Variants in TMEM232 observed in about 807,000 individuals in gnomAD.
TMEM232 encodes the protein transmembrane protein 232.
TMEM232 carries 80 observed loss-of-function variants against 78.8 expected under a neutral mutation model. That is an observed-to-expected ratio of 1.01 (90% confidence interval 0.85 to 1.22). The LOEUF (loss-of-function observed/expected upper bound fraction) is 1.22. Ranked by LOEUF, TMEM232 falls within the 50% of genes most tolerant of loss-of-function variation. The probability of loss-of-function intolerance (pLI) is 0.00; values close to 1 mark genes in which losing one functional copy is unlikely to be tolerated. For missense variants in TMEM232, 881 were observed against 742.2 expected, an observed-to-expected ratio of 1.19 and a Z score of -2.17; for synonymous variants, 297 against 254.3, an observed-to-expected ratio of 1.17 and a Z score of -1.60.
chr5:110,414,275 A>G (rs1756106426), intron 2 of TMEM232, among the ~76,000 whole-genome samples: 2 of 152,282 alleles, frequency 1.3e-5, no homozygotes, highest in East Asian at 3.9e-4. Flanking sequence ...CATTATTTTT[A>G]ATATGTACAG....
intron 12 of TMEM232, among the ~76,000 whole-genome samples, chr5:110,460,585 T>G (rs781707946): frequency 3.3e-5 from 5 of 152,168 alleles, no homozygotes; most frequent in African/African-American, 4.8e-5. Context: ...AATTTGCCAC[T>G]TCAAACACAC....
rs1770975802 is a variant in TMEM232 at position 110,528,714 on chromosome 5, A to C, written c.1577T>G (p.Leu526Arg). The C allele has an allele frequency of 1.3e-6, 2 of 1,534,830 alleles. No homozygotes were observed. Among genetic ancestry groups the C allele is most frequent in the Admixed American group, 2.0e-5 (1 of 50,876 alleles). ...GWRIANTLSK[L>R]FFPPIEAHFL... ...ATGGGCCTCAATGGGGGGAAAGAAT[A>C]GTTTGGAAAGAGTGTTGGCAATTCT... Residue 526 changes from leucine to arginine, a missense_variant, in exon 12 of 14, where the codon CTA (leucine) becomes CGA (arginine). Transcript: ENST00000455884.
At chr5:110,450,960 GGAGCTACTGTC>G (rs1386878821) in intron 12 of TMEM232, among the ~76,000 whole-genome samples, 1 of 152,108 alleles carries the variant, frequency 6.6e-6, no homozygotes, top group African/African-American at 2.4e-5. Context: ...AGAGGACAGT[GGAGCTACTGTC>G]CTCTAGGTCC....
chr5:110,729,230 T>G (rs1580815872), upstream of TMEM232, among the ~76,000 whole-genome samples: 1 of 152,214 alleles, frequency 6.6e-6, no homozygotes, highest in South Asian at 2.1e-4. Context: ...ATGTAATCAA[T>G]TAAAAAATAT....
intron 7 of TMEM232, among the ~76,000 whole-genome samples, chr5:110,620,647 C>T (rs1164503843): frequency 8.6e-6 from 1 of 116,554 alleles, no homozygotes. Context: ...CTCCTCTCTC[C>T]TCTCTCTCTC....
chr5:110,588,719 G>A (rs1047833539), intron 10 of TMEM232, among the ~76,000 whole-genome samples: 1 of 152,104 alleles, frequency 6.6e-6, no homozygotes, highest in Non-Finnish European at 1.5e-5. Flanking sequence ...GAGTCCAAAA[G>A]TGGAAAGACC....
At chr5:110,622,495 T>C (rs939001858) in intron 7 of TMEM232, among the ~76,000 whole-genome samples, 11 of 152,164 alleles carry the variant, frequency 7.2e-5, no homozygotes, top group Admixed American at 6.5e-5. Flanking sequence ...TCCAATTTCA[T>C]CCATGTCCCT....
intron 12 of TMEM232, among the ~76,000 whole-genome samples, chr5:110,454,964 G>A (rs1467859736): frequency 6.7e-6 from 1 of 149,374 alleles, no homozygotes; most frequent in East Asian, 2.0e-4. Context: ...AAAACAGGGA[G>A]ACAATACAAA....
chr5:110,710,895 G>C (rs1796406664), intron 1 of TMEM232, among the ~76,000 whole-genome samples: 1 of 152,110 alleles, frequency 6.6e-6, no homozygotes, highest in African/African-American at 2.4e-5. Flanking sequence ...ATTCAACATA[G>C]TACTGGAAGT....
At chr5:110,391,326 T>TGTGTGTGTGTGTGTGTGAGAGAGA (rs549361387) in intron 3 of TMEM232, among the ~76,000 whole-genome samples, 16 of 139,922 alleles carry the variant, frequency 1.1e-4, no homozygotes, top group African/African-American at 4.7e-4. Context: ...TGTGTGTGTG[T>TGTGTGTGTGTGTGTGTGAGAGAGA]GAGAGAGAGA....
At chr5:110,685,812 C>T (rs547396315) in intron 1 of TMEM232, among the ~76,000 whole-genome samples, 1 of 152,072 alleles carries the variant, frequency 6.6e-6, no homozygotes, top group Admixed American at 6.6e-5. Flanking sequence ...TTCTCAGTAA[C>T]AACAAAGAAC....
At chr5:110,467,639 A>T (rs1295852677) in intron 12 of TMEM232, among the ~76,000 whole-genome samples, 1 of 152,222 alleles carries the variant, frequency 6.6e-6, no homozygotes, top group Admixed American at 6.5e-5. Context: ...TATATACATC[A>T]TATTAAGACT....
chr5:110,577,551 AT>A (rs752206504), intron 10 of TMEM232, among the ~76,000 whole-genome samples: 1 of 152,108 alleles, frequency 6.6e-6, no homozygotes, highest in Non-Finnish European at 1.5e-5. Flanking sequence ...AAATCATTTT[AT>A]TATGAAGACA....
intron 11 of TMEM232, among the ~76,000 whole-genome samples, chr5:110,544,567 A>T (rs1773554117): frequency 6.6e-6 from 1 of 152,170 alleles, no homozygotes; most frequent in East Asian, 1.9e-4. Context: ...AAAAGGAAAA[A>T]ATAATTTCAA....
chr5:110,388,572 TCCTATATCA>T (rs1755064302), intron 4 of TMEM232, among the ~76,000 whole-genome samples: 1 of 152,210 alleles, frequency 6.6e-6, no homozygotes, highest in Admixed American at 6.5e-5. Flanking sequence ...CTTTTTTAAC[TCCTATATCA>T]CTTGCTTCAT....
At position 110,419,593 on chromosome 5, in the gene TMEM232, G is replaced by A. The variant is rs1756448935; in HGVS notation, c.*987C>T. Among the ~76,000 whole-genome samples, 1 of 152,088 alleles carries A rather than the reference G, an allele frequency of 6.6e-6. No homozygotes were observed. The highest frequency in any genetic ancestry group is 1.5e-5 in the Non-Finnish European group (1 of 67,960). On this transcript the variant is annotated 3_prime_UTR_variant, in exon 14 of 14. Transcript: ENST00000455884. ...ACAATACTGACATACATTTTGGAATGTAACCGAGTGATGGGAAATTTCTCT... is the reference window on the plus strand; with the variant it reads ...ACAATACTGACATACATTTTGGAATATAACCGAGTGATGGGAAATTTCTCT...
intron 11 of TMEM232, among the ~76,000 whole-genome samples, chr5:110,551,515 G>C (rs1216833132): frequency 6.6e-6 from 1 of 152,066 alleles, no homozygotes; most frequent in Non-Finnish European, 1.5e-5. Flanking sequence ...GAGCCACCGC[G>C]CCAGGACACG....
At chr5:110,517,290 A>C (rs1017089223) in intron 12 of TMEM232, among the ~76,000 whole-genome samples, 4 of 152,178 alleles carry the variant, frequency 2.6e-5, no homozygotes, top group African/African-American at 9.7e-5. Flanking sequence ...AGAACTAACA[A>C]AAGGAGCTAG....
chr5:110,610,278 G>GAAGGGAGGAAGGGAGGAAGGAA (rs1554057579), intron 8 of TMEM232, among the ~76,000 whole-genome samples: 3 of 146,006 alleles, frequency 2.1e-5, no homozygotes, highest in African/African-American at 5.3e-5. Context: ...AAGGTGGGTG[G>GAAGGGAGGAAGGGAGGAAGGAA]GTGAAGGGAG....
Sources: gnomAD v4.1 joint callset for allele counts (sites outside exome capture counted in the v4.1 genomes callset) on GRCh38, gnomAD v4.1.1 for gene constraint, MANE v1.5 for transcripts, NCBI Gene and HGNC (gene_info 2026-07-23, HGNC 2026-07-21) for gene names.